FOXJ3: variants seen among roughly 807,000 people sequenced by gnomAD.
FOXJ3 encodes the protein forkhead box J3.
FOXJ3 carries 22 observed loss-of-function variants against 76.1 expected under a neutral mutation model. The ratio of observed to expected loss-of-function variants is 0.29; its 90% CI spans 0.21 to 0.41. FOXJ3 has a LOEUF of 0.41. Ranked by LOEUF, FOXJ3 falls within the 10% of genes least tolerant of loss-of-function variation. FOXJ3 has a pLI of 1.00. For missense variants in FOXJ3, 613 were observed against 762.1 expected, an observed-to-expected ratio of 0.80 and a Z score of 2.30; for synonymous variants, 269 against 261.2, an observed-to-expected ratio of 1.03 and a Z score of -0.29.
intron 4 of FOXJ3, among the ~76,000 whole-genome samples, chr1:42,248,984 T>C (rs372682277): frequency 3.0e-4 from 45 of 152,266 alleles, no homozygotes; most frequent in African/African-American, 1.1e-3. Context: ...ACTCCCACTA[T>C]GAGTGAGAAC....
At chr1:42,184,077 C>T (rs1423443009) in intron 11 of FOXJ3, among the ~76,000 whole-genome samples, 4 of 152,024 alleles carry the variant, frequency 2.6e-5, no homozygotes, top group Admixed American at 6.5e-5. Flanking sequence ...TGACGTGGGG[C>T]GGAATCCTGT....
At position 42,186,322 on chromosome 1, in the gene FOXJ3, C is replaced by T. The variant is rs574038832; in HGVS notation, c.1645+2415G>A. 2.8e-4 allele frequency among the ~76,000 whole-genome samples: 42 copies of T among 152,174 alleles called. No individual in the cohort carries two copies. The East Asian group carries it at 6.8e-3, about 24-fold the overall frequency. Reference sequence around the variant, plus strand: ...TGGAGCACCATAATTGATGAGAGAACAACTGTTGTCAGAGGCCAAAACAGC... The same window carrying T: ...TGGAGCACCATAATTGATGAGAGAATAACTGTTGTCAGAGGCCAAAACAGC... On this transcript the variant is annotated intron_variant, in intron 11 of 12. Coordinates refer to ENST00000361346, the MANE Select transcript of FOXJ3 (RefSeq NM_014947.5).
intron 11 of FOXJ3, among the ~76,000 whole-genome samples, chr1:42,187,529 AAAG>A (rs1255302150): frequency 2.0e-5 from 3 of 152,216 alleles, no homozygotes; most frequent in African/African-American, 7.2e-5. Context: ...TGAGAGAAAC[AAAG>A]AAGACACGCT....
intron 1 of FOXJ3, among the ~76,000 whole-genome samples, chr1:42,313,300 G>A (rs981362060): frequency 6.7e-6 from 1 of 149,366 alleles, no homozygotes; most frequent in Non-Finnish European, 1.5e-5. Flanking sequence ...TCACACCACT[G>A]CACTCCAGCC....
In FOXJ3 at chr1:42,179,853, C is replaced by G. The variant is rs746242548; in HGVS notation, c.1754-28G>C. On this transcript the variant is annotated intron_variant, in intron 12 of 12. Transcript: ENST00000361346. ...GGAAGGAAAGAGGCAATAATAGCAGCGACTTGGGTAGAGAAGAAAGTAAGA... is the reference window on the plus strand; with the variant it reads ...GGAAGGAAAGAGGCAATAATAGCAGGGACTTGGGTAGAGAAGAAAGTAAGA... 3 of 1,436,220 alleles carry G rather than the reference C, an allele frequency of 2.1e-6. No individual in the cohort carries two copies. In the Admixed American group the frequency reaches 5.0e-5, roughly 24 times the overall value. 89.0% of individuals were successfully genotyped at this position (1,436,220 alleles called of 1,614,324 possible).
At chr1:42,210,963 G>C (rs995835717) in intron 5 of FOXJ3, among the ~76,000 whole-genome samples, 1 of 152,136 alleles carries the variant, frequency 6.6e-6, no homozygotes, top group African/African-American at 2.4e-5. Context: ...ATCATTAAGG[G>C]AGCACCTCAT....
chr1:42,241,111 T>C (rs573103447), intron 4 of FOXJ3, among the ~76,000 whole-genome samples: 3 of 152,268 alleles, frequency 2.0e-5, no homozygotes, highest in Admixed American at 2.0e-4. Flanking sequence ...AAAGGATAAG[T>C]GAGTGATTCC....
intron 5 of FOXJ3, 29 bp from the exon 6 acceptor site, chr1:42,205,892 A>C: frequency 7.7e-7 from 1 of 1,292,280 alleles, no homozygotes; most frequent in Non-Finnish European, 1.1e-6. Flanking sequence ...ATAAATAATT[A>C]TTAGCTCATA....
chr1:42,316,909 C>T (rs980712952), intron 1 of FOXJ3, among the ~76,000 whole-genome samples: 1 of 152,130 alleles, frequency 6.6e-6, no homozygotes. Context: ...AAAGACTACA[C>T]ATTGGGTACA....
intron 1 of FOXJ3, among the ~76,000 whole-genome samples, chr1:42,327,103 T>C (rs1193811619): frequency 6.6e-6 from 1 of 152,220 alleles, no homozygotes; most frequent in Non-Finnish European, 1.5e-5. Flanking sequence ...AAAAATATTA[T>C]TCAAATGTAA....
intron 9 of FOXJ3, 66 bp from the exon 10 acceptor site, chr1:42,189,470 G>T (rs550383537): frequency 3.6e-6 from 4 of 1,111,034 alleles, no homozygotes; most frequent in Admixed American, 3.7e-5. Context: ...AAGGGAAAAC[G>T]ATGAGCTGCC....
At chr1:42,216,189 G>A (rs1647060666) in intron 5 of FOXJ3, among the ~76,000 whole-genome samples, 1 of 152,080 alleles carries the variant, frequency 6.6e-6, no homozygotes, top group Admixed American at 6.5e-5. Context: ...TGAAACAAAT[G>A]AAAGCACCAG....
At chr1:42,265,810 T>C (rs1409679823) in intron 3 of FOXJ3, among the ~76,000 whole-genome samples, 1 of 152,192 alleles carries the variant, frequency 6.6e-6, no homozygotes, top group African/African-American at 2.4e-5. Context: ...CATGGAAAGA[T>C]ACTGGCTACA....
chr1:42,248,223 C>A (rs1218317101), intron 4 of FOXJ3, among the ~76,000 whole-genome samples: 1 of 152,100 alleles, frequency 6.6e-6, no homozygotes, highest in African/African-American at 2.4e-5. Context: ...AATAAAACTA[C>A]TGAATTATAC....
intron 8 of FOXJ3, among the ~76,000 whole-genome samples, chr1:42,194,049 C>T (rs936454745): frequency 6.6e-6 from 1 of 152,148 alleles, no homozygotes; most frequent in Non-Finnish European, 1.5e-5. Context: ...CTTGAACTTC[C>T]CAACCTCCCA....
chr1:42,203,307 C>T (rs1646797733), intron 6 of FOXJ3, among the ~76,000 whole-genome samples: 1 of 152,154 alleles, frequency 6.6e-6, no homozygotes. Context: ...TTTAGTTATT[C>T]GAACTCTCTC....
At chr1:42,238,441 C>A (rs1648873584) in intron 4 of FOXJ3, among the ~76,000 whole-genome samples, 1 of 152,254 alleles carries the variant, frequency 6.6e-6, no homozygotes. Flanking sequence ...GACCTGCGGG[C>A]TGGCAGTGGT....
At chr1:42,308,570 TATCATGACTCC>T (rs1654607183) in intron 2 of FOXJ3, among the ~76,000 whole-genome samples, 1 of 152,124 alleles carries the variant, frequency 6.6e-6, no homozygotes, top group African/African-American at 2.4e-5. Flanking sequence ...GGACACTAAA[TATCATGACTCC>T]GAATGCCGTA....
chr1:42,320,131 G>C (rs1655346648), intron 1 of FOXJ3, among the ~76,000 whole-genome samples: 1 of 152,096 alleles, frequency 6.6e-6, no homozygotes, highest in African/African-American at 2.4e-5. Flanking sequence ...TTTAAAGACT[G>C]TTTTAACAGT....
Sources: allele counts gnomAD v4.1 joint callset (sites outside exome capture counted in the v4.1 genomes callset), GRCh38; gene constraint gnomAD v4.1.1; transcripts MANE v1.5; gene names NCBI Gene and HGNC (gene_info 2026-07-23, HGNC 2026-07-21).